Variants in TIAM1 observed in about 807,000 individuals in gnomAD.
TIAM1 encodes rho guanine nucleotide exchange factor TIAM1.
TIAM1 carries 65 observed loss-of-function variants against 163.5 expected under a neutral mutation model. That is an observed-to-expected ratio of 0.40 (90% CI 0.33 to 0.49). TIAM1 has a LOEUF of 0.49. Ranked by LOEUF, TIAM1 falls within the 20% of genes least tolerant of loss-of-function variation. TIAM1 has a pLI of 0.77. For missense variants in TIAM1, 1,789 were observed against 2,044.7 expected, an observed-to-expected ratio of 0.87 and a Z score of 2.41; for synonymous variants, 833 against 810.1, an observed-to-expected ratio of 1.03 and a Z score of -0.48.
chr21:31,193,761 A>G (rs879350864), intron 13 of TIAM1, among the ~76,000 whole-genome samples: 10 of 152,182 alleles, frequency 6.6e-5, no homozygotes, highest in African/African-American at 2.4e-4. Context: ...ACACACAGAC[A>G]AGCAAGCTGG....
chr21:31,159,018 T>C (rs2083766628), intron 16 of TIAM1, among the ~76,000 whole-genome samples: 1 of 152,074 alleles, frequency 6.6e-6, no homozygotes, highest in Admixed American at 6.6e-5. Flanking sequence ...CCAAGTATCC[T>C]GGATGTGGGA....
chr21:31,433,460 T>A (rs2044109903), intron 2 of TIAM1, among the ~76,000 whole-genome samples: 2 of 152,236 alleles, frequency 1.3e-5, no homozygotes. Flanking sequence ...GTAAATGGAA[T>A]AATTAGATTT....
At chr21:31,210,782 G>GAAAGAAAGAAAA (rs2086831332) in intron 10 of TIAM1, among the ~76,000 whole-genome samples, 2 of 141,250 alleles carry the variant, frequency 1.4e-5, no homozygotes, top group African/African-American at 6.3e-5. Context: ...AAGAAAGAAA[G>GAAAGAAAGAAAA]AAAGAAAGAA....
chr21:31,470,450 C>T lies in TIAM1; in HGVS notation c.-421-6415G>A, dbSNP rs568274752. ...CAGGGTTCAAGCGATGCTCCTGCCTCAGCCTCCCAAGTAGCTGAGATTACA... is the reference window on the plus strand; with the variant it reads ...CAGGGTTCAAGCGATGCTCCTGCCTTAGCCTCCCAAGTAGCTGAGATTACA... On this transcript the variant is annotated intron_variant, in intron 1 of 28. Transcript: ENST00000286827. Among the ~76,000 whole-genome samples, 6 of 152,328 alleles carry T rather than the reference C, an allele frequency of 3.9e-5. No individual in the cohort carries two copies. In the East Asian group the frequency reaches 1.2e-3, roughly 29 times the overall value.
intron 4 of TIAM1, among the ~76,000 whole-genome samples, chr21:31,256,897 T>G (rs758738675): frequency 1.3e-5 from 2 of 152,134 alleles, no homozygotes; most frequent in Admixed American, 6.5e-5. Flanking sequence ...ATAATTACGG[T>G]CATCTCTACC....
At chr21:31,489,785 T>C (rs1362193762) in intron 1 of TIAM1, among the ~76,000 whole-genome samples, 1 of 152,166 alleles carries the variant, frequency 6.6e-6, no homozygotes, top group Non-Finnish European at 1.5e-5. Flanking sequence ...GGGAGAGCCC[T>C]GGAGGGGAAG....
At chr21:31,464,188 A>G (rs976451931) in intron 1 of TIAM1, among the ~76,000 whole-genome samples, 1 of 152,220 alleles carries the variant, frequency 6.6e-6, no homozygotes, top group Non-Finnish European at 1.5e-5. Flanking sequence ...TAACAGAGGA[A>G]AGAAACAAAG....
intron 3 of TIAM1, among the ~76,000 whole-genome samples, chr21:31,273,041 C>G (rs1319232929): frequency 6.6e-6 from 1 of 152,042 alleles, no homozygotes; most frequent in Non-Finnish European, 1.5e-5. Flanking sequence ...CTAATGACAA[C>G]TAAAAACTCT....
intron 6 of TIAM1, among the ~76,000 whole-genome samples, chr21:31,240,324 TTAATC>T (rs1260023255): frequency 6.6e-6 from 1 of 152,110 alleles, no homozygotes; most frequent in African/African-American, 2.4e-5. Flanking sequence ...ATTCCAGAAA[TTAATC>T]TAAGTTCTGC....
chr21:31,415,932 T>C (rs1602226322), intron 2 of TIAM1, among the ~76,000 whole-genome samples: 1 of 152,176 alleles, frequency 6.6e-6, no homozygotes, highest in Admixed American at 6.5e-5. Context: ...CTAACAGACA[T>C]CCTGCCTTCT....
chr21:31,535,253 C>A (rs1047956086), intron 1 of TIAM1, among the ~76,000 whole-genome samples: 5 of 151,058 alleles, frequency 3.3e-5, no homozygotes, highest in Non-Finnish European at 4.4e-5. Context: ...TGGTGGCAGG[C>A]GCCTGTAGTC....
rs561673956 is a variant in TIAM1 at position 31,153,557 on chromosome 21, C to T, written c.3172-423G>A. ...ATACTTAAACAGATCACCCTGCTTTCGCATAGGAAATGTGACCAGGTGTCA... is the reference window on the plus strand; with the variant it reads ...ATACTTAAACAGATCACCCTGCTTTTGCATAGGAAATGTGACCAGGTGTCA... On this transcript the variant is annotated intron_variant, in intron 17 of 27. Transcript: ENST00000541036. Among the ~76,000 whole-genome samples, 34 of 152,276 alleles carry T rather than the reference C, an allele frequency of 2.2e-4. No individual in the cohort carries two copies. In the South Asian group the frequency reaches 5.4e-3, roughly 24 times the overall value.
Position 31,118,521 on chromosome 21 carries a change from A to G in TIAM1, c.*1847T>C, listed in dbSNP as rs1319396181. Reference sequence around the variant, plus strand: ...CTTTCAGCTTATAAAAGAAATATATAAGAACTTTTGACATAGACACGTCAT... The same window carrying G: ...CTTTCAGCTTATAAAAGAAATATATGAGAACTTTTGACATAGACACGTCAT... On this transcript the variant is annotated 3_prime_UTR_variant, in exon 28 of 28. Transcript: ENST00000541036. The G allele has an allele frequency of 4.4e-6, 2 of 458,098 alleles. No homozygotes were observed. The highest frequency in any genetic ancestry group is 1.6e-5 in the South Asian group (1 of 61,004). The allele number at this position is 458,098 out of a possible 1,614,324, so 28.4% of individuals were successfully genotyped here.
At chr21:31,295,621 A>G (rs2074228888) in intron 2 of TIAM1, among the ~76,000 whole-genome samples, 1 of 152,200 alleles carries the variant, frequency 6.6e-6, no homozygotes, top group Admixed American at 6.5e-5. Flanking sequence ...ATGCAACTTA[A>G]TGAAATTCTT....
upstream of TIAM1, among the ~76,000 whole-genome samples, chr21:31,347,196 C>T (rs866083261): frequency 6.6e-6 from 1 of 152,168 alleles, no homozygotes; most frequent in Non-Finnish European, 1.5e-5. Flanking sequence ...CATGTGAACA[C>T]GTTACATAAA....
chr21:31,175,317 G>A (rs1226871511), intron 15 of TIAM1, among the ~76,000 whole-genome samples: 5 of 152,080 alleles, frequency 3.3e-5, no homozygotes, highest in African/African-American at 9.7e-5. Flanking sequence ...CGCCCCAACT[G>A]GTCAAGTGGA....
At chr21:31,492,029 A>G (rs2046484344) in intron 1 of TIAM1, among the ~76,000 whole-genome samples, 1 of 151,294 alleles carries the variant, frequency 6.6e-6, no homozygotes, top group Non-Finnish European at 1.5e-5. Context: ...AGCATTAAAA[A>G]TAATTACTTA....
intron 4 of TIAM1, among the ~76,000 whole-genome samples, chr21:31,259,139 C>CT (rs11381586): frequency 1 from 150,125 of 150,358 alleles, 74,947 homozygotes; most frequent in Middle Eastern, 1. Context: ...TTTTTTTTTC[C>CT]TTTTTCTTTT....
intron 13 of TIAM1, among the ~76,000 whole-genome samples, chr21:31,187,579 T>A (rs2085364154): frequency 6.6e-6 from 1 of 152,170 alleles, no homozygotes; most frequent in Non-Finnish European, 1.5e-5. Flanking sequence ...GCAACTCACA[T>A]TACGAATCTG....
Sources: gnomAD v4.1 joint callset for allele counts (sites outside exome capture counted in the v4.1 genomes callset) on GRCh38, gnomAD v4.1.1 for gene constraint, MANE v1.5 for transcripts, NCBI Gene and HGNC (gene_info 2026-07-23, HGNC 2026-07-21) for gene names.